The following DNAJC7 variants were observed in gnomAD, a reference collection of about 807,000 sequenced individuals.
The protein encoded by DNAJC7 is DnaJ heat shock protein family (Hsp40) member C7.
Under a neutral mutation model 67.4 loss-of-function variants are expected in DNAJC7, and 18 were observed. The observed-to-expected ratio is 0.27, with a 90% CI of 0.18 to 0.40. The LOEUF is 0.40. Among genes scored for constraint, DNAJC7 ranks in the 10% least tolerant of loss-of-function variants. The pLI is 1.00. For synonymous variants in DNAJC7, 220 were observed against 207.8 expected (o/e 1.06, Z -0.50); for missense variants, 419 against 613.8 (o/e 0.68, Z 3.35).
Position 41,978,774 on chromosome 17 carries a change from G to A in DNAJC7, c.1385-1451C>T, listed in dbSNP as rs200576058. Among the ~76,000 whole-genome samples, 47 of 152,314 alleles carry A rather than the reference G, an allele frequency of 3.1e-4. No individual in the cohort carries two copies. In the East Asian group the frequency reaches 7.5e-3, roughly 24 times the overall value. On this transcript the variant is annotated intron_variant, in intron 12 of 13. Transcript: ENST00000457167. Reference sequence around the variant, plus strand: ...AGGTGCCTGTAGTCCCAGCTACTTGGGAGGCTAAGGCAGGAGAATGGCGTG... The same window carrying A: ...AGGTGCCTGTAGTCCCAGCTACTTGAGAGGCTAAGGCAGGAGAATGGCGTG...
chr17:42,000,178 G>T (rs2051771436), intron 2 of DNAJC7, among the ~76,000 whole-genome samples: 1 of 147,772 alleles, frequency 6.8e-6, no homozygotes, highest in Non-Finnish European at 1.5e-5. Flanking sequence ...GAGTGCAGTG[G>T]CACAATCTTG....
rs532470444 is a variant in DNAJC7 at position 41,976,564 on chromosome 17, TG to T, written c.*168del. 478 of 788,138 alleles carry T rather than the reference TG, an allele frequency of 6.1e-4. No individual in the cohort carries two copies. The highest frequency in any genetic ancestry group is 1.8e-3 in the Admixed American group (50 of 28,480). 48.8% of individuals were successfully genotyped at this position (788,138 alleles called of 1,614,324 possible). ...CTCCCCTGCCCTCGGTCTTCGGCAT[TG>T]GTTCCCTTTGCTCCACCCCACTCAC... On this transcript the variant is annotated 3_prime_UTR_variant, in exon 14 of 14. Transcript: ENST00000457167.
At chr17:41,979,280 C>T (rs554622376) in intron 12 of DNAJC7, among the ~76,000 whole-genome samples, 1 of 141,938 alleles carries the variant, frequency 7.0e-6, no homozygotes, top group African/African-American at 2.6e-5. Flanking sequence ...TGGAGGTTGC[C>T]GTGAGCTGAG....
intron 6 of DNAJC7, among the ~76,000 whole-genome samples, chr17:41,989,802 A>G (rs2051468248): frequency 6.6e-6 from 1 of 152,264 alleles, no homozygotes; most frequent in Non-Finnish European, 1.5e-5. Context: ...TACAGCCCAC[A>G]GGGCCAAATC....
At chr17:42,016,271 C>G (rs368246139) in intron 1 of DNAJC7, 79 of 152,298 alleles carry the variant, frequency 5.2e-4, no homozygotes, top group African/African-American at 1.9e-3. Context: ...GTAAAAATCT[C>G]AGAATCCTGA....
At chr17:41,976,979 T>C in intron 13 of DNAJC7, 1 of 650,954 alleles carries the variant, frequency 1.5e-6, no homozygotes, top group East Asian at 2.7e-5. Context: ...CAGCATTATC[T>C]ATATAGTACC....
intron 1 of DNAJC7, chr17:42,014,461 C>T (rs956738812): frequency 1.3e-5 from 2 of 152,104 alleles, no homozygotes; most frequent in African/African-American, 4.8e-5. Flanking sequence ...CCACTGCACC[C>T]AGCCAATTTT....
intron 1 of DNAJC7, among the ~76,000 whole-genome samples, chr17:42,009,067 T>G (rs1354813854): frequency 1.3e-5 from 2 of 152,220 alleles, no homozygotes; most frequent in African/African-American, 4.8e-5. Flanking sequence ...TGCTCGGTGC[T>G]TCATCCAGAA....
rs369843598 is a variant in DNAJC7, at chr17:41,996,329, A to G, written c.387T>C (p.Asn129=). The stretch of plus-strand genomic sequence containing the variant: ...CCCGTACCTCTTGTTGTGCCTGAGC[A>G]TTTTTATGATCCAGTTCTAGGGCTC... The part of the protein sequence containing the change: ...FQRALELDHK[N]AQAQQEFKNA... Residue 129 remains asparagine, a synonymous_variant, in exon 4 of 14, where the codon AAT becomes AAC. Transcript: ENST00000457167. 19 of 1,613,770 alleles carry G rather than the reference A, an allele frequency of 1.2e-5. No individual in the cohort carries two copies. In the African/African-American group the frequency reaches 2.3e-4, roughly 19 times the overall value.
Position 41,976,773 on chromosome 17 carries a change from G to GA in DNAJC7, c.1448-4dup. ...AAAGAAATTCCCTGGACCAGATGCT[G>GA]AAAGAGAAAAGAGGGGTTGGTAGTT... is the stretch of plus-strand genomic sequence containing the variant. On this transcript the variant is annotated splice_polypyrimidine_tract_variant and splice_region_variant and intron_variant, in intron 13 of 13. Coordinates refer to ENST00000457167, the MANE Select transcript of DNAJC7 (RefSeq NM_003315.4). 1 of 1,610,864 alleles carries GA rather than the reference G, an allele frequency of 6.2e-7. No homozygotes were observed. The highest frequency in any genetic ancestry group is 8.5e-7 in the Non-Finnish European group (1 of 1,179,306).
chr17:41,979,680 A>AAAAG (rs1555645639), intron 12 of DNAJC7, among the ~76,000 whole-genome samples: 1 of 146,524 alleles, frequency 6.8e-6, no homozygotes, highest in Non-Finnish European at 1.5e-5. Flanking sequence ...AAAAAAAAAA[A>AAAAG]GGCCGGGCGC....
chr17:41,997,556 C>A (rs1356061053), intron 2 of DNAJC7, among the ~76,000 whole-genome samples: 1 of 152,134 alleles, frequency 6.6e-6, no homozygotes, highest in African/African-American at 2.4e-5. Flanking sequence ...AAGAGCACAT[C>A]ACTGCACTCC....
At chr17:41,997,065 C>T in intron 3 of DNAJC7, 50 bp downstream of exon 3, 1 of 1,611,482 alleles carries the variant, frequency 6.2e-7, no homozygotes, top group African/African-American at 1.3e-5. Context: ...GCTAGAGAAA[C>T]TCAACTGTAG....
At position 41,987,917 on chromosome 17, in the gene DNAJC7, G is replaced by A; in HGVS notation, c.919-7C>T. On this transcript the variant is annotated splice_region_variant and splice_polypyrimidine_tract_variant and intron_variant, in intron 8 of 13. Transcript: ENST00000457167. ...CATCATCTAGTTTCCTAAGCTTCAG[G>A]AGAGAGAGAGCAATCATACTTCACA... 1 of 1,604,684 alleles carries A rather than the reference G, an allele frequency of 6.2e-7. No homozygotes were observed. Among genetic ancestry groups the A allele is most frequent in the Non-Finnish European group, 8.5e-7 (1 of 1,175,112 alleles).
At chr17:41,988,586 C>T (rs2051438341) in intron 8 of DNAJC7, 146 bp downstream of exon 8, 1 of 1,000,716 alleles carries the variant, frequency 1.0e-6, no homozygotes, top group Admixed American at 3.1e-5. Context: ...AAGCTTGCCT[C>T]TTGGAAGGGA....
intron 5 of DNAJC7, among the ~76,000 whole-genome samples, chr17:41,990,787 C>A (rs1020948566): frequency 1.3e-5 from 2 of 152,024 alleles, no homozygotes; most frequent in Non-Finnish European, 2.9e-5. Context: ...CTGCCTCAGC[C>A]TCCCGAGTAG....
chr17:41,978,293 T>A (rs2051144539), intron 12 of DNAJC7, among the ~76,000 whole-genome samples: 1 of 151,916 alleles, frequency 6.6e-6, no homozygotes, highest in African/African-American at 2.4e-5. Context: ...CCAGAGTGAG[T>A]TTCTCTGCTT....
At chr17:41,996,572 C>T (rs782107897) in intron 3 of DNAJC7, 148 bp from the exon 4 acceptor site, 28 of 638,412 alleles carry the variant, frequency 4.4e-5, no homozygotes, top group South Asian at 3.2e-4. Context: ...GAAGCTGAGG[C>T]GGGCAGATCA....
intron 13 of DNAJC7, 197 bp from the exon 14 acceptor site, chr17:41,976,967 C>A: frequency 1.5e-6 from 1 of 675,108 alleles, no homozygotes; most frequent in Non-Finnish European, 2.5e-6. Flanking sequence ...AGCTTCTGAC[C>A]TCAGCATTAT....
Sources: allele counts gnomAD v4.1 joint callset (sites outside exome capture counted in the v4.1 genomes callset), GRCh38; gene constraint gnomAD v4.1.1; transcripts MANE v1.5; gene names NCBI Gene and HGNC (gene_info 2026-07-23, HGNC 2026-07-21).